Variants in ACTR3C observed in about 807,000 individuals in gnomAD.
The protein encoded by ACTR3C is actin-related protein 3C.
A neutral mutation model predicts 26.3 loss-of-function variants in ACTR3C; 18 were observed. That is an observed-to-expected ratio of 0.68 (90% CI 0.47 to 1.01). The LOEUF is 1.01. ACTR3C is among the 50% of genes least tolerant of loss of function. The pLI, the probability that ACTR3C is intolerant of heterozygous loss-of-function variation, is 0.00. For synonymous variants in ACTR3C, 55 were observed against 94.5 expected, an observed-to-expected ratio of 0.58 and a Z score of 2.42; for missense variants, 184 against 250.7, an observed-to-expected ratio of 0.73 and a Z score of 1.80.
chr7:150,303,604 AT>A, intron 1 of ACTR3C, among the ~76,000 whole-genome samples: 1 of 152,346 alleles, frequency 6.6e-6, no homozygotes, highest in African/African-American at 2.4e-5. Flanking sequence ...TTCAGGCCAC[AT>A]CCTTATGGGT....
the ACTR3C span, among the ~76,000 whole-genome samples, chr7:150,167,933 C>T: frequency 8.0e-5 from 12 of 150,454 alleles, no homozygotes; most frequent in African/African-American, 1.3e-4. Flanking sequence ...GTATAGCTGA[C>T]GAGTTCCATA....
the ACTR3C span, among the ~76,000 whole-genome samples, chr7:150,209,244 GAGAC>G: frequency 6.8e-6 from 1 of 147,332 alleles, no homozygotes; most frequent in Non-Finnish European, 1.5e-5. Context: ...GAAACAGAGA[GAGAC>G]AGAGAGAGAG....
At chr7:150,210,071 A>C in the ACTR3C span, among the ~76,000 whole-genome samples, 3 of 151,954 alleles carry the variant, frequency 2.0e-5, no homozygotes, top group Non-Finnish European at 4.4e-5. Flanking sequence ...AGGGATTTTC[A>C]GAAACCCTTT....
intron 3 of ACTR3C, among the ~76,000 whole-genome samples, chr7:150,291,314 A>G (rs1312522716): frequency 6.6e-6 from 1 of 152,174 alleles, no homozygotes; most frequent in Non-Finnish European, 1.5e-5. Context: ...CTGTAATCCC[A>G]GCTACTCAGG....
At position 150,272,054 on chromosome 7, in the gene ACTR3C, A is replaced by G. The variant is rs550331611; in HGVS notation, c.564+12699T>C. Reference sequence around the variant, plus strand: ...CATCCCTTTCCTGGTGCTTGAAAACATAAGAAATAAATTAGAGAGCAAACC... The same window carrying G: ...CATCCCTTTCCTGGTGCTTGAAAACGTAAGAAATAAATTAGAGAGCAAACC... On this transcript the variant is annotated intron_variant, in intron 6 of 7. Transcript: ENST00000683684. Among the ~76,000 whole-genome samples the G allele has an allele frequency of 7.0e-3, 1,018 of 145,774 alleles. 14 individuals carry two copies. The highest frequency in any genetic ancestry group is 0.014 in the Admixed American group (208 of 15,072).
chr7:150,175,841 A>AAAGG, the ACTR3C span, among the ~76,000 whole-genome samples: 16 of 143,776 alleles, frequency 1.1e-4, 1 homozygote, highest in African/African-American at 3.8e-4. Flanking sequence ...AAAAAGAAAG[A>AAAGG]AAGGAAGGAA....
At chr7:150,318,227 A>T (rs1163660506) in intron 1 of ACTR3C, among the ~76,000 whole-genome samples, 1 of 152,144 alleles carries the variant, frequency 6.6e-6, no homozygotes. Flanking sequence ...CTGTGCTCAG[A>T]GATCATTATG....
At chr7:150,104,116 T>C in the ACTR3C span, among the ~76,000 whole-genome samples, 1 of 151,564 alleles carries the variant, frequency 6.6e-6, no homozygotes, top group African/African-American at 2.4e-5. Context: ...TAGTTTATAA[T>C]AGGCTATAGT....
chr7:150,290,330 C>CTTG (rs1836139210), intron 3 of ACTR3C, among the ~76,000 whole-genome samples: 1 of 152,228 alleles, frequency 6.6e-6, no homozygotes, highest in Non-Finnish European at 1.5e-5. Context: ...CACATGCCCA[C>CTTG]AGCAATGATG....
At chr7:149,945,566 G>A in the ACTR3C span, among the ~76,000 whole-genome samples, 69 of 152,272 alleles carry the variant, frequency 4.5e-4, 1 homozygote, top group South Asian at 0.013. Flanking sequence ...TCCAGGAACA[G>A]AAAGCCCGCA....
intron 1 of ACTR3C, among the ~76,000 whole-genome samples, chr7:150,304,402 C>T (rs918887455): frequency 3.3e-5 from 5 of 152,054 alleles, no homozygotes; most frequent in Admixed American, 6.6e-5. Context: ...ATCATGTATT[C>T]GTAGGTTCAT....
At chr7:150,318,858 T>A (rs1218583886) in intron 1 of ACTR3C, among the ~76,000 whole-genome samples, 1 of 152,232 alleles carries the variant, frequency 6.6e-6, no homozygotes, top group African/African-American at 2.4e-5. Flanking sequence ...CTCAAAAGCT[T>A]ACATAAACCA....
At chr7:150,195,048 C>T in the ACTR3C span, among the ~76,000 whole-genome samples, 4 of 151,260 alleles carry the variant, frequency 2.6e-5, no homozygotes, top group East Asian at 5.8e-4. Flanking sequence ...GAGCCAAGAT[C>T]GTGCCACTAG....
the ACTR3C span, among the ~76,000 whole-genome samples, chr7:150,087,560 G>A: frequency 8.0e-4 from 122 of 152,268 alleles, no homozygotes; most frequent in Non-Finnish European, 1.4e-3. Context: ...GCTGTTTTCC[G>A]GCCTGGGAGA....
the ACTR3C span, among the ~76,000 whole-genome samples, chr7:149,958,967 T>A: frequency 6.6e-6 from 1 of 152,194 alleles, no homozygotes; most frequent in Non-Finnish European, 1.5e-5. Flanking sequence ...TGTATTCTTA[T>A]GAGTTGAGGC....
chr7:150,032,327 A>G, the ACTR3C span, among the ~76,000 whole-genome samples: 2 of 152,210 alleles, frequency 1.3e-5, no homozygotes, highest in Admixed American at 6.5e-5. Flanking sequence ...AGGAAAAGGC[A>G]TTTGAGGATG....
At chr7:150,048,478 G>T in the ACTR3C span, among the ~76,000 whole-genome samples, 1 of 152,246 alleles carries the variant, frequency 6.6e-6, no homozygotes, top group African/African-American at 2.4e-5. Context: ...GCGGGTCGTG[G>T]GTGCGGGGGC....
chr7:150,259,232 GAAAGA>G (rs1435078965), intron 6 of ACTR3C, among the ~76,000 whole-genome samples: 2 of 126,796 alleles, frequency 1.6e-5, no homozygotes, highest in Admixed American at 1.6e-4. Context: ...CAAAAAGAAA[GAAAGA>G]AAAGACAGAA....
the ACTR3C span, among the ~76,000 whole-genome samples, chr7:150,096,679 G>A: frequency 7.2e-5 from 11 of 151,768 alleles, no homozygotes; most frequent in Non-Finnish European, 1.5e-5. Flanking sequence ...TTGCACTAAC[G>A]GCCTCAATTC....
Sources: gnomAD v4.1 joint callset for allele counts (sites outside exome capture counted in the v4.1 genomes callset) on GRCh38, gnomAD v4.1.1 for gene constraint, MANE v1.5 for transcripts, NCBI Gene and HGNC (gene_info 2026-07-23, HGNC 2026-07-21) for gene names.